The following RAB22A variants were observed in gnomAD, a reference collection of about 807,000 sequenced individuals.
RAB22A encodes the protein ras-related protein Rab-22A.
A neutral mutation model predicts 30.2 loss-of-function variants in RAB22A; 13 were observed. The observed-to-expected ratio is 0.43, with a 90% CI of 0.28 to 0.68. RAB22A has a LOEUF of 0.68. Among genes scored for constraint, RAB22A ranks in the 30% least tolerant of loss-of-function variants. The pLI is 0.18. For missense variants in RAB22A, 177 were observed against 246.8 expected (o/e 0.72, Z 1.89); for synonymous variants, 89 against 87.2 (o/e 1.02, Z -0.11).
At position 58,319,601 on chromosome 20, in the gene RAB22A, A is replaced by G. The variant is rs1986412995; in HGVS notation, c.116+8479A>G. Among the ~76,000 whole-genome samples, 2 of 152,188 alleles carry G rather than the reference A, an allele frequency of 1.3e-5. 1 individual carries two copies. Among genetic ancestry groups the G allele is most frequent in the Admixed American group, 1.3e-4 (2 of 15,274 alleles). ...CAGTTCCTCAAAAGAGCCAGGTGAG[A>G]TCTTGATTGGGAACACATTGAATCT... On this transcript the variant is annotated intron_variant, in intron 2 of 6. Coordinates refer to ENST00000244040, the MANE Select transcript of RAB22A (RefSeq NM_020673.3).
chr20:58,325,998 A>G (rs1161790671), intron 2 of RAB22A, among the ~76,000 whole-genome samples: 3 of 152,092 alleles, frequency 2.0e-5, no homozygotes, highest in Non-Finnish European at 2.9e-5. Flanking sequence ...CTTTTGCTTT[A>G]TTTTGCACCT....
In RAB22A at chr20:58,353,493, T is replaced by C. The variant is rs1228794542; in HGVS notation, c.332T>C (p.Ile111Thr). The change falls in exon 5 of 7, where the codon ATT becomes ACT. Residue 111 changes from isoleucine to threonine, a missense_variant. Ile to Thr is a moderately conservative substitution (Grantham distance 89, BLOSUM62 -1). Transcript: ENST00000244040. ...KELRQHGPPN[I>T]VVAIAGNKCD... The stretch of plus-strand genomic sequence containing the variant: ...CTTCGACAGCATGGCCCACCTAATA[T>C]TGTAGTTGCCATTGCAGGAAATAAA... The C allele has an allele frequency of 3.1e-6, 5 of 1,612,912 alleles. No homozygotes were observed. In the Admixed American group the frequency reaches 5.0e-5, roughly 16 times the overall value.
At chr20:58,321,593 C>G (rs1600725404) in intron 2 of RAB22A, among the ~76,000 whole-genome samples, 1 of 152,092 alleles carries the variant, frequency 6.6e-6, no homozygotes, top group Non-Finnish European at 1.5e-5. Flanking sequence ...ACTTTTTTCT[C>G]TTATTTTGCA....
intron 2 of RAB22A, among the ~76,000 whole-genome samples, chr20:58,311,408 A>G (rs1986223715): frequency 6.6e-6 from 1 of 152,218 alleles, no homozygotes. Context: ...ATCAACAGCA[A>G]TTACACCTTG....
intron 2 of RAB22A, among the ~76,000 whole-genome samples, chr20:58,329,277 TC>T (rs1394011537): frequency 1.8e-4 from 28 of 152,120 alleles, no homozygotes; most frequent in Non-Finnish European, 3.2e-4. Context: ...ATGGTCTCGA[TC>T]TCCTGACCTC....
chr20:58,336,795 A>G (rs2122951676), intron 2 of RAB22A, among the ~76,000 whole-genome samples: 1 of 152,290 alleles, frequency 6.6e-6, no homozygotes, highest in Non-Finnish European at 1.5e-5. Context: ...CTGGCTTACA[A>G]GGAACAGGGC....
At chr20:58,342,989 G>A (rs1260159704) in intron 2 of RAB22A, among the ~76,000 whole-genome samples, 1 of 152,140 alleles carries the variant, frequency 6.6e-6, no homozygotes, top group Non-Finnish European at 1.5e-5. Context: ...CAAAATAATA[G>A]GAACCCTGCC....
At chr20:58,329,808 A>T (rs554151718) in intron 2 of RAB22A, among the ~76,000 whole-genome samples, 36 of 152,076 alleles carry the variant, frequency 2.4e-4, no homozygotes. Flanking sequence ...TTTTCTCTCT[A>T]TTCTTAACAA....
At chr20:58,338,559 T>A (rs1986800066) in intron 2 of RAB22A, among the ~76,000 whole-genome samples, 1 of 152,086 alleles carries the variant, frequency 6.6e-6, no homozygotes, top group South Asian at 2.1e-4. Context: ...CAAGAAAAGG[T>A]TAAAGGTGTG....
intron 2 of RAB22A, among the ~76,000 whole-genome samples, chr20:58,332,531 A>G (rs1029855724): frequency 1.3e-5 from 2 of 152,220 alleles, no homozygotes; most frequent in Admixed American, 1.3e-4. Context: ...ATCTTATAAA[A>G]TGTCCATATA....
rs1337276950 is a variant in RAB22A, at chr20:58,363,426, C to T, written c.*3723C>T. 1 of 152,198 alleles carries T rather than the reference C, an allele frequency of 6.6e-6. No individual in the cohort carries two copies. Among genetic ancestry groups the T allele is most frequent in the Non-Finnish European group, 1.5e-5 (1 of 68,040 alleles). 9.4% of individuals were successfully genotyped at this position (152,198 alleles called of 1,614,324 possible). On this transcript the variant is annotated 3_prime_UTR_variant, in exon 7 of 7. Coordinates refer to ENST00000244040, the MANE Select transcript of RAB22A (RefSeq NM_020673.3). ...AACCTGTGTAAGTATTGTGAAAACC[C>T]TTTTCTTCCAGGGAAAAATTATTGG... is the stretch of plus-strand genomic sequence containing the variant.
chr20:58,359,114 A>T (rs772887367), intron 6 of RAB22A, among the ~76,000 whole-genome samples: 3 of 152,234 alleles, frequency 2.0e-5, no homozygotes, highest in Non-Finnish European at 4.4e-5. Flanking sequence ...GAAATGGGCC[A>T]CAGTGGTGGC....
intron 2 of RAB22A, among the ~76,000 whole-genome samples, chr20:58,334,412 A>C (rs1568868724): frequency 6.6e-6 from 1 of 152,160 alleles, no homozygotes; most frequent in Non-Finnish European, 1.5e-5. Context: ...AAGATAGAAA[A>C]AGAAGAGCAG....
chr20:58,332,448 G>A (rs540754257), intron 2 of RAB22A, among the ~76,000 whole-genome samples: 171 of 152,264 alleles, frequency 1.1e-3, no homozygotes, highest in African/African-American at 3.9e-3. Context: ...TCCATGGGTG[G>A]AGCTGCAAAG....
intron 2 of RAB22A, among the ~76,000 whole-genome samples, chr20:58,331,673 C>G (rs1986662778): frequency 6.6e-6 from 1 of 150,916 alleles, no homozygotes; most frequent in Non-Finnish European, 1.5e-5. Flanking sequence ...TTTTTTAATC[C>G]TTTGGTTTCC....
chr20:58,352,095 T>A (rs1987060156), intron 3 of RAB22A, among the ~76,000 whole-genome samples: 2 of 152,172 alleles, frequency 1.3e-5, no homozygotes, highest in South Asian at 4.1e-4. Context: ...TGAGGAACTT[T>A]GTGTTGATAG....
At chr20:58,343,908 G>A (rs747928964) in intron 3 of RAB22A, 109 bp downstream of exon 3, 21 of 890,772 alleles carry the variant, frequency 2.4e-5, no homozygotes, top group Non-Finnish European at 3.4e-5. Context: ...TCTGTGCACC[G>A]GAGACACATT....
intron 3 of RAB22A, among the ~76,000 whole-genome samples, chr20:58,350,338 G>A (rs1041677813): frequency 1.3e-5 from 2 of 152,196 alleles, no homozygotes; most frequent in African/African-American, 4.8e-5. Flanking sequence ...TGTGTAATTG[G>A]AGAGCCAGGA....
In RAB22A at chr20:58,309,805, G is replaced by T; in HGVS notation, c.-172G>T. On this transcript the variant is annotated 5_prime_UTR_variant, in exon 1 of 7. Coordinates refer to ENST00000244040, the MANE Select transcript of RAB22A (RefSeq NM_020673.3). ...CGGCTGCTAAGGCGGGCCCCACGCGGCTGGCAGCGGACAGGCCGGACCTAC... is the reference window on the plus strand; with the variant it reads ...CGGCTGCTAAGGCGGGCCCCACGCGTCTGGCAGCGGACAGGCCGGACCTAC... 1.9e-6 allele frequency: 1 copy of T among 517,836 alleles called. No homozygotes were observed. 32.1% of individuals were successfully genotyped at this position (517,836 alleles called of 1,614,324 possible).
Sources: allele counts gnomAD v4.1 joint callset (sites outside exome capture counted in the v4.1 genomes callset), GRCh38; gene constraint gnomAD v4.1.1; transcripts MANE v1.5; gene names NCBI Gene and HGNC (gene_info 2026-07-23, HGNC 2026-07-21).